The following FOXF2 variants were observed in gnomAD, a reference collection of about 807,000 sequenced individuals.
FOXF2 encodes the protein forkhead box protein F2.
FOXF2 carries 15 observed loss-of-function variants against 29.1 expected under a neutral mutation model. The ratio of observed to expected loss-of-function variants is 0.52; its 90% CI spans 0.35 to 0.79. The LOEUF (loss-of-function observed/expected upper bound fraction) is 0.79. Among genes scored for constraint, FOXF2 ranks in the 30% least tolerant of loss-of-function variants. The probability of loss-of-function intolerance (pLI) is 0.01; values close to 1 mark genes in which losing one functional copy is unlikely to be tolerated. For missense variants in FOXF2, 675 were observed against 667.1 expected, an observed-to-expected ratio of 1.01 and a Z score of -0.13; for synonymous variants, 337 against 316.5, an observed-to-expected ratio of 1.06 and a Z score of -0.69.
At chr6:1,393,747 G>C (rs1758844049) in intron 1 of FOXF2, among the ~76,000 whole-genome samples, 1 of 152,230 alleles carries the variant, frequency 6.6e-6, no homozygotes, top group African/African-American at 2.4e-5. Context: ...GAAAAGACCC[G>C]GGCGAATGGA....
intron 1 of FOXF2, 143 bp downstream of exon 1, chr6:1,391,261 C>T (rs1758783663): frequency 6.9e-7 from 1 of 1,439,150 alleles, no homozygotes; most frequent in South Asian, 1.3e-5. Flanking sequence ...TGGGGAAAGC[C>T]GGCATCTTAT....
chr6:1,390,424 C>A lies in FOXF2; in HGVS notation c.477C>A (p.Ile159=). 1 of 1,611,986 alleles carries A rather than the reference C, an allele frequency of 6.2e-7. No homozygotes were observed. The highest frequency in any genetic ancestry group is 8.5e-7 in the Non-Finnish European group (1 of 1,179,928). ...RHNLSLNECF[I]KLPKGLGRPG... is the part of the protein sequence containing the mutation. ...ATCTCTCGCTCAACGAGTGCTTCAT[C>A]AAGCTGCCTAAGGGCCTCGGGCGGC... The change falls in exon 1 of 2, where the codon ATC becomes ATA. Residue 159 remains isoleucine, a synonymous_variant. Transcript: ENST00000645481. The surrounding 1 kb of genome is among the most constrained non-coding windows in gnomAD (Gnocchi z 8.5).
rs1401220474 is a variant in FOXF2 at position 1,394,912 on chromosome 6, G to T, written c.*53G>T. 7.0e-6 allele frequency: 11 copies of T among 1,561,976 alleles called. No individual in the cohort carries two copies. The African/African-American group carries it at 1.2e-4, about 17-fold the overall frequency. On this transcript the variant is annotated 3_prime_UTR_variant, in exon 2 of 2. Coordinates refer to ENST00000645481, the MANE Select transcript of FOXF2 (RefSeq NM_001452.2). ...CTCTCCTCTCCCCTCCTCAGAGGGG[G>T]CAGATAGAAACTGGGACGGATTCAA...
chr6:1,392,434 T>TCACTCACACACTCA (rs1554124327), intron 1 of FOXF2, among the ~76,000 whole-genome samples: 1 of 107,676 alleles, frequency 9.3e-6, no homozygotes, highest in East Asian at 3.7e-4. Context: ...CGGCTGTCAA[T>TCACTCACACACTCA]CACACACACA....
At position 1,390,689 on chromosome 6, in the gene FOXF2, A is replaced by T. The variant is rs1184867249; in HGVS notation, c.742A>T (p.Met248Leu). 4.0e-6 allele frequency: 6 copies of T among 1,514,148 alleles called. No homozygotes were observed. Among genetic ancestry groups the T allele is most frequent in the Non-Finnish European group, 5.3e-6 (6 of 1,139,806 alleles). The allele number at this position is 1,514,148 out of a possible 1,614,324, so 93.8% of individuals were successfully genotyped here. A position where few individuals can be genotyped will look rare whatever the true frequency, so the allele number is the denominator to read the frequency against. ...HSQGGYGGLD[M>L]MPAGYDAGAG... ...CCAGGGCGGCTACGGCGGCCTCGAC[A>T]TGATGCCCGCGGGCTACGACGCCGG... The change falls in exon 1 of 2, where the codon ATG becomes TTG. Residue 248 changes from methionine (M) to leucine (L), a missense_variant. By Grantham distance (15) the Met-to-Leu change is conservative. Coordinates refer to ENST00000645481, the MANE Select transcript of FOXF2 (RefSeq NM_001452.2). The surrounding 1 kb of genome is among the most constrained non-coding windows in gnomAD (Gnocchi z 8.5).
intron 1 of FOXF2, 118 bp from the exon 2 acceptor site, chr6:1,394,578 C>G: frequency 1.1e-6 from 1 of 917,974 alleles, no homozygotes; most frequent in East Asian, 2.4e-5. Context: ...TACCAGCTGT[C>G]TAGCAATTTA....
At position 1,394,861 on chromosome 6, in the gene FOXF2, C is replaced by A. The variant is rs77775400; in HGVS notation, c.*2C>A. The stretch of plus-strand genomic sequence containing the variant: ...GATATTAAGCCCTGCGTCATGTGAA[C>A]GGAAAGAGGCCAAGCGATGGCCGCT... On this transcript the variant is annotated 3_prime_UTR_variant, in exon 2 of 2. Coordinates refer to ENST00000645481, the MANE Select transcript of FOXF2 (RefSeq NM_001452.2). 1,847 of 1,614,072 alleles carry A rather than the reference C, an allele frequency of 1.1e-3. 28 individuals carry two copies. The African/African-American group carries it at 0.022, about 19-fold the overall frequency.
chr6:1,393,880 G>A (rs1161533459), intron 1 of FOXF2, among the ~76,000 whole-genome samples: 1 of 152,208 alleles, frequency 6.6e-6, no homozygotes, highest in Non-Finnish European at 1.5e-5. Context: ...GCAAAAGCCG[G>A]CGGCGGGTGG....
rs555985686 is a variant in FOXF2, at chr6:1,391,797, G to A, written c.1171+679G>A. Among the ~76,000 whole-genome samples, 24 of 151,934 alleles carry A rather than the reference G, an allele frequency of 1.6e-4. No individual in the cohort carries two copies. In the East Asian group the frequency reaches 3.9e-3, roughly 25 times the overall value. ...CAGGTCCTGGGTGGCAGGACCTGAA[G>A]GACCCTGCTAGGACTCCCCTGAGAA... On this transcript the variant is annotated intron_variant, in intron 1 of 1. Transcript: ENST00000645481.
At position 1,391,123 on chromosome 6, in the gene FOXF2, C is replaced by G. The variant is rs1758780911; in HGVS notation, c.1171+5C>G. On this transcript the variant is annotated splice_donor_5th_base_variant and intron_variant, in intron 1 of 1. Transcript: ENST00000645481. ...ACGCTCGCGAGGACCTCTCAGGTAA[C>G]GCAGCACGCTCCAGCCCAGCCAGCT... 1.2e-6 allele frequency: 2 copies of G among 1,600,408 alleles called. No individual in the cohort carries two copies. The highest frequency in any genetic ancestry group is 1.3e-5 in the African/African-American group (1 of 74,924).
rs1206173054 is a variant in FOXF2 at position 1,390,491 on chromosome 6, T to C, written c.544T>C (p.Phe182Leu). ...HYWTIDPASE[F>L]MFEEGSFRRR... Reference sequence around the variant, plus strand: ...CTGGACCATCGACCCGGCCAGCGAGTTCATGTTCGAGGAGGGCTCGTTCCG... The same window carrying C: ...CTGGACCATCGACCCGGCCAGCGAGCTCATGTTCGAGGAGGGCTCGTTCCG... The change falls in exon 1 of 2, where the codon TTC becomes CTC. Residue 182 changes from phenylalanine (F) to leucine (L), a missense_variant. Transcript: ENST00000645481. The surrounding 1 kb of genome is among the most constrained non-coding windows in gnomAD (Gnocchi z 8.5). The C allele has an allele frequency of 1.9e-6, 3 of 1,611,364 alleles. No homozygotes were observed. Among genetic ancestry groups the C allele is most frequent in the Non-Finnish European group, 2.5e-6 (3 of 1,179,714 alleles).
chr6:1,394,769 G>C lies in FOXF2; in HGVS notation c.1245G>C (p.Gly415=). 1 of 1,614,008 alleles carries C rather than the reference G, an allele frequency of 6.2e-7. No homozygotes were observed. Among genetic ancestry groups the C allele is most frequent in the Non-Finnish European group, 8.5e-7 (1 of 1,179,942 alleles). ...AAGATTTCGTCCTCAACTTCAATGG[G>C]ATTTCTTCTTTCCATCCCTCAGCTA... The part of the protein sequence containing the change: ...DRKDFVLNFN[G]ISSFHPSASG... The change falls in exon 2 of 2, where the codon GGG becomes GGC. Residue 415 remains glycine, a synonymous_variant. Transcript: ENST00000645481.
In FOXF2 at chr6:1,394,967, C is replaced by T. The variant is rs1447196582; in HGVS notation, c.*108C>T. 2 of 1,093,982 alleles carry T rather than the reference C, an allele frequency of 1.8e-6. No homozygotes were observed. The highest frequency in any genetic ancestry group is 1.5e-5 in the African/African-American group (1 of 64,756). The allele number at this position is 1,093,982 out of a possible 1,614,324, so 67.8% of individuals were successfully genotyped here. A position where few individuals can be genotyped will look rare whatever the true frequency, so the allele number is the denominator to read the frequency against. ...CATGCACGCGGATAGCAGTAAGCCA[C>T]ACACCTGCCACTTAGCCAGAATGCC... On this transcript the variant is annotated 3_prime_UTR_variant, in exon 2 of 2. Coordinates refer to ENST00000645481, the MANE Select transcript of FOXF2 (RefSeq NM_001452.2).
At chr6:1,391,510 C>CT (rs982635004) in intron 1 of FOXF2, among the ~76,000 whole-genome samples, 1 of 152,168 alleles carries the variant, frequency 6.6e-6, no homozygotes, top group Non-Finnish European at 1.5e-5. Flanking sequence ...CCTTTTGTCC[C>CT]TTTTTTTCCT....
chr6:1,391,686 C>T (rs1214662258), intron 1 of FOXF2, among the ~76,000 whole-genome samples: 1 of 152,072 alleles, frequency 6.6e-6, no homozygotes, highest in Non-Finnish European at 1.5e-5. Flanking sequence ...GGGACATTTG[C>T]CAGTGGAGGG....
chr6:1,390,034 C>A lies in FOXF2; in HGVS notation c.87C>A (p.Ser29Arg). 2 of 1,353,598 alleles carry A rather than the reference C, an allele frequency of 1.5e-6. No homozygotes were observed. Among genetic ancestry groups the A allele is most frequent in the South Asian group, 1.6e-5 (1 of 63,972 alleles). The allele number at this position is 1,353,598 out of a possible 1,614,324, so 83.8% of individuals were successfully genotyped here. The change falls in exon 1 of 2, where the codon AGC becomes AGA. Residue 29 changes from serine (S) to arginine (R), a missense_variant. Transcript: ENST00000645481. This position sits in a 1 kb window ranked among gnomAD's most constrained non-coding sequence, Gnocchi z 8.5. ...VPGALQAALM[S>R]PPPAAAAAAA... Reference sequence around the variant, plus strand: ...GCGCGCTCCAGGCCGCCCTGATGAGCCCGCCGCCCGCCGCCGCCGCCGCCG... The same window carrying A: ...GCGCGCTCCAGGCCGCCCTGATGAGACCGCCGCCCGCCGCCGCCGCCGCCG...
chr6:1,395,000 G>C lies in FOXF2; in HGVS notation c.*141G>C, dbSNP rs1013571607. The C allele has an allele frequency of 3.5e-6, 3 of 847,480 alleles. No homozygotes were observed. Among genetic ancestry groups the C allele is most frequent in the South Asian group, 3.0e-5 (2 of 65,576 alleles). The allele number at this position is 847,480 out of a possible 1,614,324, so 52.5% of individuals were successfully genotyped here. On this transcript the variant is annotated 3_prime_UTR_variant, in exon 2 of 2. Transcript: ENST00000645481. ...CCACTTAGCCAGAATGCCCAGGATC[G>C]CGTTGGTCACTGTTATTTGCCTACT...
rs1398382223 is a variant in FOXF2 at position 1,393,123 on chromosome 6, C to A, written c.1172-1573C>A. On this transcript the variant is annotated intron_variant, in intron 1 of 1. Coordinates refer to ENST00000645481, the MANE Select transcript of FOXF2 (RefSeq NM_001452.2). ...GCGCGGGGGTGGCCAAGGCAGTCTC[C>A]CCGGCACACAGATCAGCACATGTCT... Among the ~76,000 whole-genome samples the A allele has an allele frequency of 2.6e-5, 4 of 152,024 alleles. No homozygotes were observed. The East Asian group carries it at 7.8e-4, about 30-fold the overall frequency.
chr6:1,393,589 C>T (rs1363894300), intron 1 of FOXF2, among the ~76,000 whole-genome samples: 1 of 152,146 alleles, frequency 6.6e-6, no homozygotes, highest in Non-Finnish European at 1.5e-5. Flanking sequence ...CCGCCTCGCT[C>T]CGGCATTGCG....
Sources: allele counts gnomAD v4.1 joint callset (sites outside exome capture counted in the v4.1 genomes callset), GRCh38; gene constraint gnomAD v4.1.1; non-coding constraint Gnocchi (gnomAD v3.1); transcripts MANE v1.5; gene names NCBI Gene and HGNC (gene_info 2026-07-23, HGNC 2026-07-21).